The following CORIN variants were observed in gnomAD, a reference collection of about 807,000 sequenced individuals.
CORIN encodes the protein corin, serine peptidase.
A neutral mutation model predicts 125.3 loss-of-function variants in CORIN; 117 were observed. The observed-to-expected ratio is 0.93, with a 90% CI of 0.80 to 1.09. CORIN has a LOEUF of 1.09. Ranked by LOEUF, CORIN falls within the 50% of genes least tolerant of loss-of-function variation. The pLI is 0.00. For synonymous variants in CORIN, 450 were observed against 466.4 expected, an observed-to-expected ratio of 0.96 and a Z score of 0.45; for missense variants, 1,253 against 1,306.7, an observed-to-expected ratio of 0.96 and a Z score of 0.63.
intron 1 of CORIN, among the ~76,000 whole-genome samples, chr4:47,821,213 C>T (rs138629344): frequency 0.017 from 2,593 of 151,714 alleles, 74 homozygotes; most frequent in African/African-American, 0.06. Context: ...CCAGCCTAGA[C>T]GACAGAGCGA....
At chr4:47,670,693 G>GACGGGCACAGGGAGGCAGGAGAC (rs1724711472) in intron 10 of CORIN, among the ~76,000 whole-genome samples, 1 of 152,202 alleles carries the variant, frequency 6.6e-6, no homozygotes, top group South Asian at 2.1e-4. Context: ...AGGCAGGAGA[G>GACGGGCACAGGGAGGCAGGAGAC]ACATGCCCAG....
intron 4 of CORIN, among the ~76,000 whole-genome samples, chr4:47,751,994 T>C (rs1728924539): frequency 6.6e-6 from 1 of 151,630 alleles, no homozygotes; most frequent in Admixed American, 6.6e-5. Flanking sequence ...CAACAGTAAC[T>C]GCTTGCAGGA....
intron 1 of CORIN, among the ~76,000 whole-genome samples, chr4:47,811,404 C>A (rs1732055931): frequency 1.3e-5 from 2 of 152,160 alleles, no homozygotes; most frequent in Admixed American, 6.5e-5. Context: ...GTTGACATTT[C>A]AAGTACATAA....
intron 19 of CORIN, among the ~76,000 whole-genome samples, chr4:47,609,886 G>A (rs1721805490): frequency 6.6e-6 from 1 of 152,160 alleles, no homozygotes; most frequent in African/African-American, 2.4e-5. Context: ...TTAGTTTGCT[G>A]AGGATAAGCC....
intron 3 of CORIN, among the ~76,000 whole-genome samples, chr4:47,779,908 A>G (rs76103460): frequency 2.0e-5 from 3 of 152,238 alleles, no homozygotes; most frequent in South Asian, 2.1e-4. Flanking sequence ...CTAGTTATCA[A>G]TGTAAATAAA....
chr4:47,738,089 G>GA (rs948628653), intron 5 of CORIN, among the ~76,000 whole-genome samples: 8 of 152,086 alleles, frequency 5.3e-5, no homozygotes, highest in African/African-American at 1.9e-4. Context: ...AAAATTAAAA[G>GA]AAAAATGTGG....
Position 47,665,334 on chromosome 4 carries a change from A to C in CORIN, c.1358-71T>G, listed in dbSNP as rs1172354845. On this transcript the variant is annotated intron_variant, in intron 10 of 21. Coordinates refer to ENST00000273857, the MANE Select transcript of CORIN (RefSeq NM_006587.4). ...AAAACAACTTCTTTAAGTTTTACAA[A>C]CTTGAAGTCTATTTTATTCTTTCTT... The C allele has an allele frequency of 4.5e-6, 5 of 1,119,914 alleles. No homozygotes were observed. In the Admixed American group the frequency reaches 8.6e-5, roughly 19 times the overall value. The allele number at this position is 1,119,914 out of a possible 1,614,324, so 69.4% of individuals were successfully genotyped here. A position where few individuals can be genotyped will look rare whatever the true frequency, so the allele number is the denominator to read the frequency against.
Position 47,653,874 on chromosome 4 carries a change from A to T in CORIN, c.1736-214T>A, listed in dbSNP as rs995464467. 3.3e-5 allele frequency among the ~76,000 whole-genome samples: 5 copies of T among 152,264 alleles called. No individual in the cohort carries two copies. In the East Asian group the frequency reaches 7.7e-4, roughly 23 times the overall value. On this transcript the variant is annotated intron_variant, in intron 12 of 21. Coordinates refer to ENST00000273857, the MANE Select transcript of CORIN (RefSeq NM_006587.4). ...CCTCATCCCTCTAGATACGCGGTTT[A>T]ACATCTATGTATTCCAATGATTAAT...
chr4:47,605,657 T>A (rs1440279921), intron 19 of CORIN, among the ~76,000 whole-genome samples: 1 of 152,136 alleles, frequency 6.6e-6, no homozygotes, highest in Non-Finnish European at 1.5e-5. Context: ...CTAGACCAAT[T>A]GTTTTTCAAC....
chr4:47,629,052 C>T (rs1413237459), intron 16 of CORIN, among the ~76,000 whole-genome samples: 1 of 152,038 alleles, frequency 6.6e-6, no homozygotes, highest in Non-Finnish European at 1.5e-5. Flanking sequence ...TAGATATATA[C>T]CCAGAAGTGG....
Position 47,786,743 on chromosome 4 carries a change from G to T in CORIN, c.391C>A (p.Gln131Lys), listed in dbSNP as rs769632782. The T allele has an allele frequency of 1.2e-6, 2 of 1,613,930 alleles. No individual in the cohort carries two copies. The highest frequency in any genetic ancestry group is 1.7e-6 in the Non-Finnish European group (2 of 1,179,892). Residue 131 changes from glutamine (Q) to lysine (K), a missense_variant, in exon 3 of 22, where the codon CAA becomes AAA. Gln to Lys is a moderately conservative substitution (Grantham distance 53, BLOSUM62 1). Coordinates refer to ENST00000273857, the MANE Select transcript of CORIN (RefSeq NM_006587.4). ...GACTTACTTGTATTCCTGTGACTTTGGTCCCCTGGGAGAGAAGCATCCGTA... is the reference window on the plus strand; with the variant it reads ...GACTTACTTGTATTCCTGTGACTTTTGTCCCCTGGGAGAGAAGCATCCGTA... The part of the protein sequence containing the change: ...WTTDASLPGD[Q>K]SHRNTSACMN...
At chr4:47,620,981 C>T (rs1257566475) in intron 19 of CORIN, among the ~76,000 whole-genome samples, 4 of 152,062 alleles carry the variant, frequency 2.6e-5, no homozygotes, top group Non-Finnish European at 4.4e-5. Flanking sequence ...GAAAAGTATC[C>T]ATTTAATTAA....
At chr4:47,746,881 C>T (rs77554268) in intron 4 of CORIN, among the ~76,000 whole-genome samples, 19,779 of 152,066 alleles carry the variant, frequency 0.13, 1,620 homozygotes, top group East Asian at 0.3. Flanking sequence ...CCATCATATA[C>T]GTGATGGGTG....
intron 5 of CORIN, among the ~76,000 whole-genome samples, chr4:47,715,900 T>C (rs1727067934): frequency 6.6e-6 from 1 of 152,184 alleles, no homozygotes. Flanking sequence ...GGCAAAGGAA[T>C]AGTGTTCAAG....
At chr4:47,668,067 G>A (rs1425279982) in intron 10 of CORIN, among the ~76,000 whole-genome samples, 1 of 152,204 alleles carries the variant, frequency 6.6e-6, no homozygotes, top group Non-Finnish European at 1.5e-5. Context: ...GCAGCCCAGA[G>A]AGGGTCCTCA....
At chr4:47,636,435 G>A (rs1040460921) in intron 16 of CORIN, among the ~76,000 whole-genome samples, 4 of 152,098 alleles carry the variant, frequency 2.6e-5, no homozygotes, top group Non-Finnish European at 1.5e-5. Context: ...TTTTGATACT[G>A]AACATGCAAG....
chr4:47,663,441 T>C (rs571796148), intron 11 of CORIN, among the ~76,000 whole-genome samples: 1 of 152,192 alleles, frequency 6.6e-6, no homozygotes, highest in South Asian at 2.1e-4. Flanking sequence ...TATCAAAATA[T>C]AAAATTCGTA....
chr4:47,797,985 A>G (rs186304397), intron 2 of CORIN, among the ~76,000 whole-genome samples: 15 of 152,248 alleles, frequency 9.9e-5, no homozygotes, highest in African/African-American at 3.4e-4. Flanking sequence ...ATAAAAATCT[A>G]CATATAATTT....
rs757538660 is a variant in CORIN, at chr4:47,600,336, G to A, written c.2824C>T (p.Leu942=). ...ATAATGCGGACCTCTCCCTCTTGCA[G>A]CTTAAATGGCACTGAATTTTTAAAA... is the stretch of plus-strand genomic sequence containing the variant. The part of the protein sequence containing the change: ...GHMGNKMPFK[L]QEGEVRIISL... Residue 942 remains leucine, a synonymous_variant, in exon 21 of 22, where the codon CTG becomes TTG. Coordinates refer to ENST00000273857, the MANE Select transcript of CORIN (RefSeq NM_006587.4). 3.1e-6 allele frequency: 5 copies of A among 1,611,012 alleles called. No individual in the cohort carries two copies. Among genetic ancestry groups the A allele is most frequent in the Non-Finnish European group, 4.2e-6 (5 of 1,178,450 alleles).
Sources: gnomAD v4.1 joint callset for allele counts (sites outside exome capture counted in the v4.1 genomes callset) on GRCh38, gnomAD v4.1.1 for gene constraint, MANE v1.5 for transcripts, NCBI Gene and HGNC (gene_info 2026-07-23, HGNC 2026-07-21) for gene names.